The following RAP1GAP2 variants were observed in gnomAD, a reference collection of about 807,000 sequenced individuals.
The protein encoded by RAP1GAP2 is RAP1 GTPase activating protein 2.
A neutral mutation model predicts 95.0 loss-of-function variants in RAP1GAP2; 27 were observed. The ratio of observed to expected loss-of-function variants is 0.28; its 90% CI spans 0.21 to 0.39. RAP1GAP2 has a LOEUF of 0.39. RAP1GAP2 is among the 10% of genes least tolerant of loss of function. The pLI, the probability that RAP1GAP2 is intolerant of heterozygous loss-of-function variation, is 1.00. For synonymous variants in RAP1GAP2, 373 were observed against 380.9 expected (o/e 0.98, Z 0.24); for missense variants, 771 against 970.0 (o/e 0.79, Z 2.72).
intron 3 of RAP1GAP2, among the ~76,000 whole-genome samples, chr17:2,933,162 G>C (rs1328961215): frequency 6.6e-6 from 1 of 152,272 alleles, no homozygotes; most frequent in East Asian, 1.9e-4. Context: ...ATGGAGTCGT[G>C]TGGGCGGGTG....
At chr17:2,960,727 G>C (rs2044286958) in intron 4 of RAP1GAP2, among the ~76,000 whole-genome samples, 1 of 152,228 alleles carries the variant, frequency 6.6e-6, no homozygotes, top group African/African-American at 2.4e-5. Flanking sequence ...GCTAGCTTGG[G>C]AAGGTCAAAA....
chr17:2,980,051 C>A (rs906501967), intron 8 of RAP1GAP2, among the ~76,000 whole-genome samples: 1 of 152,006 alleles, frequency 6.6e-6, no homozygotes, highest in Non-Finnish European at 1.5e-5. Context: ...AGCGATTCTC[C>A]TGCCTTAGCC....
Position 3,027,200 on chromosome 17 carries a change from C to T in RAP1GAP2, c.2107+130C>T, listed in dbSNP as rs1210677119. 16 of 1,174,142 alleles carry T rather than the reference C, an allele frequency of 1.4e-5. No individual in the cohort carries two copies. The highest frequency in any genetic ancestry group is 2.5e-4 in the Middle Eastern group (1 of 4,054). The allele number at this position is 1,174,142 out of a possible 1,614,324, so 72.7% of individuals were successfully genotyped here. On this transcript the variant is annotated intron_variant, in intron 22 of 24. Coordinates refer to ENST00000254695, the MANE Select transcript of RAP1GAP2 (RefSeq NM_015085.5). The surrounding 1 kb of genome is among the most constrained non-coding windows in gnomAD (Gnocchi z 5.2). ...CTCCTCCCAGCTGTGAGGCCCTCCG[C>T]TCTGTGCGCCCGCCTCTTCTGTTCA...
chr17:2,924,301 G>A (rs1399058669), intron 3 of RAP1GAP2, among the ~76,000 whole-genome samples: 4 of 152,166 alleles, frequency 2.6e-5, no homozygotes, highest in Admixed American at 2.6e-4. Flanking sequence ...GGAGTGTTCC[G>A]AGCCGAGGCT....
chr17:2,819,383 T>G (rs2070181601), intron 2 of RAP1GAP2, among the ~76,000 whole-genome samples: 1 of 151,778 alleles, frequency 6.6e-6, no homozygotes, highest in Admixed American at 6.6e-5. Context: ...TGGCAGGATC[T>G]TGGCTGACTG....
chr17:2,999,249 C>G (rs1197409350), intron 14 of RAP1GAP2, among the ~76,000 whole-genome samples: 3 of 152,196 alleles, frequency 2.0e-5, no homozygotes, highest in Non-Finnish European at 4.4e-5. Context: ...GAATCTCCAC[C>G]TCTTGGGCAA....
chr17:2,861,137 G>A (rs986561670), intron 2 of RAP1GAP2, among the ~76,000 whole-genome samples: 9 of 151,838 alleles, frequency 5.9e-5, no homozygotes, highest in Non-Finnish European at 5.9e-5. Flanking sequence ...CCTCATCCCC[G>A]GACTCTTCAC....
At chr17:2,931,846 G>C (rs781032405) in intron 3 of RAP1GAP2, among the ~76,000 whole-genome samples, 1 of 152,184 alleles carries the variant, frequency 6.6e-6, no homozygotes. Flanking sequence ...TCTGGTGAGG[G>C]GAAGGGCAGG....
chr17:2,760,006 T>C (rs1347901010), intron 1 of RAP1GAP2, among the ~76,000 whole-genome samples: 1 of 152,176 alleles, frequency 6.6e-6, no homozygotes, highest in Non-Finnish European at 1.5e-5. Context: ...ATGTGTGAGA[T>C]GCCAGTTTCT....
At chr17:2,946,315 C>T (rs915050148) in intron 3 of RAP1GAP2, among the ~76,000 whole-genome samples, 3 of 152,162 alleles carry the variant, frequency 2.0e-5, no homozygotes, top group African/African-American at 7.2e-5. Context: ...TCCTCCTCTT[C>T]TATTTTTGGA....
At chr17:2,854,061 C>G in intron 2 of RAP1GAP2, 13 of 985,310 alleles carry the variant, frequency 1.3e-5, no homozygotes, top group Non-Finnish European at 1.6e-5. Context: ...TGGTGCTCAT[C>G]GGACTCCTGC....
chr17:2,899,690 T>G (rs2041961375), intron 2 of RAP1GAP2, among the ~76,000 whole-genome samples: 1 of 152,006 alleles, frequency 6.6e-6, no homozygotes, highest in Admixed American at 6.6e-5. Flanking sequence ...TTTTGTATTT[T>G]TAGTGAGATG....
chr17:3,011,568 C>G (rs1223084786), intron 17 of RAP1GAP2, among the ~76,000 whole-genome samples: 1 of 151,672 alleles, frequency 6.6e-6, no homozygotes, highest in African/African-American at 2.4e-5. Flanking sequence ...CTGAAATGTT[C>G]CAGGAAGAAA....
At chr17:2,836,566 A>G (rs2071139707) in intron 2 of RAP1GAP2, among the ~76,000 whole-genome samples, 1 of 152,144 alleles carries the variant, frequency 6.6e-6, no homozygotes, top group African/African-American at 2.4e-5. Context: ...TGGGAGGCGG[A>G]GGTTGCAGTG....
chr17:2,978,771 TA>T (rs1289042625), intron 8 of RAP1GAP2, among the ~76,000 whole-genome samples: 3 of 151,860 alleles, frequency 2.0e-5, no homozygotes, highest in Non-Finnish European at 4.4e-5. Context: ...CTGTCTCTAC[TA>T]AAAATATAAA....
chr17:2,898,396 G>A (rs1009970054), intron 2 of RAP1GAP2, among the ~76,000 whole-genome samples: 6 of 152,162 alleles, frequency 3.9e-5, no homozygotes, highest in Non-Finnish European at 5.9e-5. Context: ...TTTTGTTCCT[G>A]AATCCAGTGT....
chr17:2,988,457 ATAT>A lies in RAP1GAP2; in HGVS notation c.814-2839_814-2837del, dbSNP rs1416599073. Among the ~76,000 whole-genome samples, 5 of 152,362 alleles carry A rather than the reference ATAT, an allele frequency of 3.3e-5. No homozygotes were observed. In the East Asian group the frequency reaches 7.7e-4, roughly 24 times the overall value. On this transcript the variant is annotated intron_variant, in intron 11 of 24. Coordinates refer to ENST00000254695, the MANE Select transcript of RAP1GAP2 (RefSeq NM_015085.5). ...AAAACATTGTTATTTCAAAAATGGT[ATAT>A]AAATGTAGTCATATAGTGTATAACC...
At chr17:2,800,855 CTTT>C (rs869143308) in intron 2 of RAP1GAP2, among the ~76,000 whole-genome samples, 3 of 51,564 alleles carry the variant, frequency 5.8e-5, no homozygotes, top group Non-Finnish European at 1.3e-4. Context: ...TTCTTTCTTT[CTTT>C]TTTTTTTTTT....
At chr17:2,898,604 C>A (rs1051453770) in intron 2 of RAP1GAP2, among the ~76,000 whole-genome samples, 5 of 152,340 alleles carry the variant, frequency 3.3e-5, no homozygotes, top group African/African-American at 1.2e-4. Context: ...GTGTCCCTGT[C>A]TCCCAGCTTA....
Sources: gnomAD v4.1 joint callset for allele counts (sites outside exome capture counted in the v4.1 genomes callset) on GRCh38, gnomAD v4.1.1 for gene constraint, Gnocchi (gnomAD v3.1) non-coding constraint, MANE v1.5 for transcripts, NCBI Gene and HGNC (gene_info 2026-07-23, HGNC 2026-07-21) for gene names.